DTX4: variants seen among roughly 807,000 people sequenced by gnomAD.
DTX4 encodes the protein deltex E3 ubiquitin ligase 4.
A neutral mutation model predicts 57.6 loss-of-function variants in DTX4; 28 were observed. That is an observed-to-expected ratio of 0.49 (90% CI 0.36 to 0.67). The LOEUF (loss-of-function observed/expected upper bound fraction) is 0.67. Among genes scored for constraint, DTX4 ranks in the 30% least tolerant of loss-of-function variants. The probability of loss-of-function intolerance (pLI) is 0.00; values close to 1 mark genes in which losing one functional copy is unlikely to be tolerated. For missense variants in DTX4, 715 were observed against 836.8 expected (o/e 0.85, Z 1.80); for synonymous variants, 316 against 331.0 (o/e 0.95, Z 0.49).
chr11:59,199,395 A>G (rs184952614), intron 7 of DTX4, among the ~76,000 whole-genome samples: 1 of 152,208 alleles, frequency 6.6e-6, no homozygotes, highest in Non-Finnish European at 1.5e-5. Context: ...TAACAGCCCC[A>G]TAAGGGAAGG....
chr11:59,199,902 AGAT>A, intron 8 of DTX4, 129 bp downstream of exon 8: 2 of 735,418 alleles, frequency 2.7e-6, no homozygotes, highest in Non-Finnish European at 4.4e-6. Context: ...TTTTAAGTCT[AGAT>A]GCACACAGTA....
chr11:59,186,518 A>G (rs1405265893), intron 2 of DTX4, among the ~76,000 whole-genome samples: 1 of 152,176 alleles, frequency 6.6e-6, no homozygotes, highest in South Asian at 2.1e-4. Context: ...AAACCTCTCC[A>G]GAAAGAGCTG....
Position 59,172,151 on chromosome 11 carries a change from G to A in DTX4, c.-445G>A, listed in dbSNP as rs1862331972. Reference sequence around the variant, plus strand: ...CGTGCCATTCCGAGCGCGGCCGTGCGGCGAGATCCCACCCCGGCGTCTGCA... The same window carrying A: ...CGTGCCATTCCGAGCGCGGCCGTGCAGCGAGATCCCACCCCGGCGTCTGCA... On this transcript the variant is annotated 5_prime_UTR_variant, in exon 1 of 9. Coordinates refer to ENST00000227451, the MANE Select transcript of DTX4 (RefSeq NM_015177.2). 6.6e-6 allele frequency among the ~76,000 whole-genome samples: 1 copy of A among 152,066 alleles called. No individual in the cohort carries two copies. The highest frequency in any genetic ancestry group is 2.1e-4 in the South Asian group (1 of 4,830).
chr11:59,175,419 C>A (rs542427345), intron 1 of DTX4, among the ~76,000 whole-genome samples: 1 of 152,312 alleles, frequency 6.6e-6, no homozygotes, highest in South Asian at 2.1e-4. Flanking sequence ...TGACCTCATC[C>A]AGCCTGTCTC....
intron 8 of DTX4, among the ~76,000 whole-genome samples, chr11:59,202,907 C>G (rs1862756739): frequency 6.6e-6 from 1 of 152,142 alleles, no homozygotes; most frequent in African/African-American, 2.4e-5. Flanking sequence ...TATGGTATAG[C>G]CTATTGCTTC....
chr11:59,205,013 T>C lies in DTX4; in HGVS notation c.*104T>C. ...AGTTGGTGTCCTGCCCTCCCAACTT[T>C]CTATCCTCCCCTCCTGCCCTGTGTC... On this transcript the variant is annotated 3_prime_UTR_variant, in exon 9 of 9. Transcript: ENST00000227451. 1.0e-6 allele frequency: 1 copy of C among 995,802 alleles called. No individual in the cohort carries two copies. The highest frequency in any genetic ancestry group is 2.6e-5 in the East Asian group (1 of 38,186). The allele number at this position is 995,802 out of a possible 1,614,324, so 61.7% of individuals were successfully genotyped here.
In DTX4 at chr11:59,181,941, C is replaced by A; in HGVS notation, c.414C>A (p.Asn138Lys). Residue 138 changes from asparagine to lysine, a missense_variant, in exon 2 of 9, where the codon AAC becomes AAA. Coordinates refer to ENST00000227451, the MANE Select transcript of DTX4 (RefSeq NM_015177.2). Reference protein sequence around the residue: ...SIGFSYVIDFNTMGQINRQTQ... With the variant: ...SIGFSYVIDFKTMGQINRQTQ... ...GCTTTAGCTACGTAATTGACTTCAA[C>A]ACCATGGGCCAGATCAACCGTCAGA... The A allele has an allele frequency of 6.2e-7, 1 of 1,614,004 alleles. No individual in the cohort carries two copies. Among genetic ancestry groups the A allele is most frequent in the Non-Finnish European group, 8.5e-7 (1 of 1,179,870 alleles).
At chr11:59,174,135 T>C (rs771320279) in intron 1 of DTX4, among the ~76,000 whole-genome samples, 7 of 152,060 alleles carry the variant, frequency 4.6e-5, no homozygotes, top group Non-Finnish European at 8.8e-5. Context: ...TAGTCATAAC[T>C]CCCAGCAACC....
At chr11:59,184,483 A>G (rs986752754) in intron 2 of DTX4, among the ~76,000 whole-genome samples, 6 of 152,242 alleles carry the variant, frequency 3.9e-5, no homozygotes, top group African/African-American at 1.4e-4. Flanking sequence ...GGCTGCTGTC[A>G]TTGTGATTGC....
At chr11:59,199,657 A>G (rs758954342) in intron 7 of DTX4, 27 bp from the exon 8 acceptor site, 6 of 1,544,952 alleles carry the variant, frequency 3.9e-6, no homozygotes, top group Non-Finnish European at 5.3e-6. Flanking sequence ...GAAAAATGCC[A>G]TTTGCTTGCT....
In DTX4 at chr11:59,204,691, C is replaced by T. The variant is rs1175028009; in HGVS notation, c.1642C>T (p.Leu548Phe). 1.2e-6 allele frequency: 2 copies of T among 1,613,096 alleles called. No individual in the cohort carries two copies. The highest frequency in any genetic ancestry group is 2.2e-5 in the South Asian group (2 of 90,814). Residue 548 changes from leucine (L) to phenylalanine (F), a missense_variant, in exon 9 of 9, where the codon CTC becomes TTC. Physicochemically the swap from Leu to Phe is conservative, Grantham distance 22. Coordinates refer to ENST00000227451, the MANE Select transcript of DTX4 (RefSeq NM_015177.2). ...ATCCCTCTAGGTTCTGAAGCTGCTG[C>T]TCGTGGCCTGGGATCGCCGCCTCAT... ...EKGRKVLKLL[L>F]VAWDRRLIFA... is the part of the protein sequence containing the mutation.
chr11:59,178,002 C>T (rs773537129), intron 1 of DTX4, among the ~76,000 whole-genome samples: 26 of 152,336 alleles, frequency 1.7e-4, no homozygotes, highest in South Asian at 1.7e-3. Flanking sequence ...CACACAAATA[C>T]ATATGTAACT....
chr11:59,195,510 A>C, intron 7 of DTX4, 141 bp downstream of exon 7: 1 of 916,088 alleles, frequency 1.1e-6, no homozygotes, highest in Non-Finnish European at 1.6e-6. Context: ...CTGACACTAC[A>C]TCCCCCGACT....
At chr11:59,196,880 G>A (rs534000449) in intron 7 of DTX4, among the ~76,000 whole-genome samples, 2 of 152,212 alleles carry the variant, frequency 1.3e-5, no homozygotes, top group East Asian at 1.9e-4. Flanking sequence ...GTTATATATT[G>A]CAATGTAATA....
Position 59,207,916 on chromosome 11 carries a change from A to G in DTX4, c.*3007A>G, listed in dbSNP as rs1862834978. 1 of 152,232 alleles carries G rather than the reference A, an allele frequency of 6.6e-6. No homozygotes were observed. Among genetic ancestry groups the G allele is most frequent in the Non-Finnish European group, 1.5e-5 (1 of 68,010 alleles). The allele number at this position is 152,232 out of a possible 1,614,324, so 9.4% of individuals were successfully genotyped here. ...CTTGGTCAAAAGTACTCGTCTTGGT[A>G]TTGCACTGTTGTGTGCATGAGAAAA... On this transcript the variant is annotated 3_prime_UTR_variant, in exon 9 of 9. Transcript: ENST00000227451.
At chr11:59,188,068 G>A (rs999818914) in intron 2 of DTX4, among the ~76,000 whole-genome samples, 15 of 152,260 alleles carry the variant, frequency 9.9e-5, no homozygotes, top group Middle Eastern at 3.4e-3. Flanking sequence ...TGTACACCCT[G>A]GTTTGAACTT....
At chr11:59,182,593 G>GCACCACCTTCACCTGC in intron 2 of DTX4, 131 bp downstream of exon 2, 4 of 1,291,182 alleles carry the variant, frequency 3.1e-6, no homozygotes, top group Non-Finnish European at 4.1e-6. Flanking sequence ...GGCTGCAGGT[G>GCACCACCTTCACCTGC]AAGGTGGTGC....
intron 6 of DTX4, among the ~76,000 whole-genome samples, chr11:59,192,828 T>C (rs1862616663): frequency 6.6e-6 from 1 of 152,206 alleles, no homozygotes; most frequent in Admixed American, 6.5e-5. Context: ...GGAAGGCTGT[T>C]TGGGATGCTT....
Position 59,172,721 on chromosome 11 carries a change from C to T in DTX4, c.126C>T (p.Gly42=). The change falls in exon 1 of 9, where the codon GGC becomes GGT. Residue 42 remains glycine, a synonymous_variant. Coordinates refer to ENST00000227451, the MANE Select transcript of DTX4 (RefSeq NM_015177.2). ...TCCGCGCCGGCCCCCGCGCGGGGGGCAGCGTGGTGCTGGGCCAGGTGGACA... is the reference window on the plus strand; with the variant it reads ...TCCGCGCCGGCCCCCGCGCGGGGGGTAGCGTGGTGCTGGGCCAGGTGGACA... ...AVVRAGPRAG[G]SVVLGQVDSR... is the part of the protein sequence containing the mutation. The T allele has an allele frequency of 1.9e-6, 3 of 1,603,740 alleles. No homozygotes were observed. Among genetic ancestry groups the T allele is most frequent in the East Asian group, 2.3e-5 (1 of 44,430 alleles).
Sources: gnomAD v4.1 joint callset for allele counts (sites outside exome capture counted in the v4.1 genomes callset) on GRCh38, gnomAD v4.1.1 for gene constraint, MANE v1.5 for transcripts, NCBI Gene and HGNC (gene_info 2026-07-23, HGNC 2026-07-21) for gene names.